The following ZBTB41 variants were observed in gnomAD, a reference collection of about 807,000 sequenced individuals.
The protein encoded by ZBTB41 is zinc finger and BTB domain containing 41, also known as zinc finger and BTB domain-containing protein 41.
In ZBTB41, 42 loss-of-function variants were observed where a neutral mutation model predicts 87.6. The observed-to-expected ratio is 0.48, with a 90% CI of 0.37 to 0.62. ZBTB41 has a LOEUF of 0.62. ZBTB41 is among the 20% of genes least tolerant of loss of function. The pLI is 0.00. For missense variants in ZBTB41, 799 were observed against 1,078.9 expected (o/e 0.74, Z 3.63); for synonymous variants, 364 against 364.0 (o/e 1.00, Z 0.00).
chr1:197,178,905 T>C (rs1659676640), intron 6 of ZBTB41, among the ~76,000 whole-genome samples: 1 of 152,158 alleles, frequency 6.6e-6, no homozygotes, highest in South Asian at 2.1e-4. Flanking sequence ...ATGTGCTTAG[T>C]ATTTATTGAA....
In ZBTB41 at chr1:197,200,133, T is replaced by C; in HGVS notation, c.341A>G (p.His114Arg). 1 of 1,613,962 alleles carries C rather than the reference T, an allele frequency of 6.2e-7. No individual in the cohort carries two copies. The highest frequency in any genetic ancestry group is 8.5e-7 in the Non-Finnish European group (1 of 1,180,026). ...VVVAVGSSYFHACLSKNPSTD... is the reference protein window; with the variant it reads ...VVVAVGSSYFRACLSKNPSTD... ...GCTTGGATTTTTGCTCAAACACGCA[T>C]GAAAATAACTACTGCCGACAGCAAC... Residue 114 changes from histidine (H) to arginine (R), a missense_variant, in exon 2 of 11, where the codon CAT (histidine) becomes CGT (arginine). Transcript: ENST00000367405.
At chr1:197,180,672 A>C (rs779220119) in intron 6 of ZBTB41, among the ~76,000 whole-genome samples, 8 of 152,086 alleles carry the variant, frequency 5.3e-5, no homozygotes, top group Non-Finnish European at 1.0e-4. Flanking sequence ...TGTGTCATTC[A>C]TGTTACATTT....
Position 197,159,121 on chromosome 1 carries a change from T to C in ZBTB41, c.*238A>G, listed in dbSNP as rs558812614. ...AAAAAATTTAAGAAACCATTAAAAG[T>C]TAGCACTAAATAATCTTTAAAAATC... On this transcript the variant is annotated 3_prime_UTR_variant, in exon 11 of 11. Transcript: ENST00000367405. 2.7e-4 allele frequency: 118 copies of C among 432,362 alleles called. No homozygotes were observed. The highest frequency in any genetic ancestry group is 1.9e-4 in the Non-Finnish European group (46 of 245,472). The allele number at this position is 432,362 out of a possible 1,614,324, so 26.8% of individuals were successfully genotyped here.
rs758770999 is a variant in ZBTB41 at position 197,178,412 on chromosome 1, C to T, written c.1772+5G>A. 2.3e-5 allele frequency: 37 copies of T among 1,592,878 alleles called. No individual in the cohort carries two copies. The East Asian group carries it at 7.7e-4, about 33-fold the overall frequency. ...TTAATAAAGGGAAAAAATGGTTTTA[C>T]TTACCTATACGAACTTCCATGACGA... On this transcript the variant is annotated splice_donor_5th_base_variant and intron_variant, in intron 7 of 10. Transcript: ENST00000367405.
chr1:197,199,934 G>T lies in ZBTB41; in HGVS notation c.540C>A (p.Ala180=), dbSNP rs748556532. 6.2e-7 allele frequency: 1 copy of T among 1,612,726 alleles called. No homozygotes were observed. The highest frequency in any genetic ancestry group is 1.1e-5 in the South Asian group (1 of 90,842). ...TTTCAGTTAGCTCTGAATGAAAAGGGGCAACATTTTCGTTATTTAACAACT... is the reference window on the plus strand; with the variant it reads ...TTTCAGTTAGCTCTGAATGAAAAGGTGCAACATTTTCGTTATTTAACAACT... ...AVKLLNNENV[A]PFHSELTEKS... is the part of the protein sequence containing the mutation. Residue 180 remains alanine (A), a synonymous_variant, in exon 2 of 11, where the codon GCC becomes GCA. Coordinates refer to ENST00000367405, the MANE Select transcript of ZBTB41 (RefSeq NM_194314.3).
At chr1:197,195,174 A>C (rs1467417081) in intron 2 of ZBTB41, among the ~76,000 whole-genome samples, 1 of 152,230 alleles carries the variant, frequency 6.6e-6, no homozygotes, top group Non-Finnish European at 1.5e-5. Flanking sequence ...ACAGAATATT[A>C]AACTACACCC....
intron 4 of ZBTB41, 94 bp from the exon 5 acceptor site, chr1:197,188,533 A>G: frequency 8.4e-7 from 1 of 1,196,766 alleles, no homozygotes; most frequent in Non-Finnish European, 1.1e-6. Flanking sequence ...AAATTCAATA[A>G]AGAGACTTTT....
At position 197,159,353 on chromosome 1, in the gene ZBTB41, A is replaced by G; in HGVS notation, c.*6T>C. ...ATCCAAAAATCTGTGGAATGTTTAG[A>G]TTTACTCATGAATGATGCTCATTCG... On this transcript the variant is annotated 3_prime_UTR_variant, in exon 11 of 11. Coordinates refer to ENST00000367405, the MANE Select transcript of ZBTB41 (RefSeq NM_194314.3). 6.2e-7 allele frequency: 1 copy of G among 1,612,656 alleles called. No homozygotes were observed.
At chr1:197,175,598 A>T (rs1659586614) in intron 8 of ZBTB41, among the ~76,000 whole-genome samples, 1 of 151,130 alleles carries the variant, frequency 6.6e-6, no homozygotes, top group East Asian at 1.9e-4. Flanking sequence ...GTTTGCAATG[A>T]GCCAAAATAC....
chr1:197,194,028 CT>C (rs917396613), intron 2 of ZBTB41, among the ~76,000 whole-genome samples: 9 of 148,666 alleles, frequency 6.1e-5, no homozygotes, highest in East Asian at 2.0e-4. Flanking sequence ...ATCTTTCTTT[CT>C]TTTTTTTTTG....
Position 197,155,858 on chromosome 1 carries a change from A to G in ZBTB41, c.*3501T>C, listed in dbSNP as rs1175822660. The G allele has an allele frequency of 6.6e-6, 1 of 152,320 alleles. No homozygotes were observed. Among genetic ancestry groups the G allele is most frequent in the Non-Finnish European group, 1.5e-5 (1 of 67,804 alleles). 9.4% of individuals were successfully genotyped at this position (152,320 alleles called of 1,614,324 possible). ...TACTTAAATGTATGCAAAGACTACT[A>G]TCTTTACAGTTGGTTAAATCTTGCT... is the stretch of plus-strand genomic sequence containing the variant. On this transcript the variant is annotated 3_prime_UTR_variant, in exon 11 of 11. Coordinates refer to ENST00000367405, the MANE Select transcript of ZBTB41 (RefSeq NM_194314.3).
In ZBTB41 at chr1:197,155,848, A is replaced by G. The variant is rs1481928854; in HGVS notation, c.*3511T>C. 6.6e-6 allele frequency: 1 copy of G among 152,340 alleles called. No homozygotes were observed. The highest frequency in any genetic ancestry group is 1.5e-5 in the Non-Finnish European group (1 of 67,818). 9.4% of individuals were successfully genotyped at this position (152,340 alleles called of 1,614,324 possible). On this transcript the variant is annotated 3_prime_UTR_variant, in exon 11 of 11. Transcript: ENST00000367405. ...ATGCCTTAATTACTTAAATGTATGC[A>G]AAGACTACTATCTTTACAGTTGGTT...
intron 6 of ZBTB41, 79 bp from the exon 7 acceptor site, chr1:197,178,591 G>A: frequency 1.0e-6 from 1 of 1,003,760 alleles, no homozygotes; most frequent in Non-Finnish European, 1.4e-6. Context: ...TTACTAGAAA[G>A]GTATTCAAGC....
At chr1:197,182,995 C>T (rs1001142555) in intron 5 of ZBTB41, among the ~76,000 whole-genome samples, 3 of 151,930 alleles carry the variant, frequency 2.0e-5, no homozygotes, top group Non-Finnish European at 2.9e-5. Context: ...AACATAGAGA[C>T]GGAATGCAAA....
intron 4 of ZBTB41, among the ~76,000 whole-genome samples, chr1:197,190,527 AT>A (rs1289852251): frequency 6.6e-6 from 1 of 152,254 alleles, no homozygotes; most frequent in Non-Finnish European, 1.5e-5. Flanking sequence ...AATACATGGT[AT>A]GGTGATTACA....
At chr1:197,176,311 T>C (rs1385927844) in intron 8 of ZBTB41, among the ~76,000 whole-genome samples, 1 of 152,096 alleles carries the variant, frequency 6.6e-6, no homozygotes, top group Admixed American at 6.6e-5. Flanking sequence ...TTTTGAGAAT[T>C]TATTTAAAAT....
chr1:197,178,416 C>T lies in ZBTB41; in HGVS notation c.1772+1G>A. The T allele has an allele frequency of 6.2e-7, 1 of 1,601,626 alleles. No individual in the cohort carries two copies. The highest frequency in any genetic ancestry group is 8.5e-7 in the Non-Finnish European group (1 of 1,173,198). On this transcript the variant is annotated splice_donor_variant, in intron 7 of 10. Coordinates refer to ENST00000367405, the MANE Select transcript of ZBTB41 (RefSeq NM_194314.3). LOFTEE classifies it high-confidence loss of function. The stretch of plus-strand genomic sequence containing the variant: ...TAAAGGGAAAAAATGGTTTTACTTA[C>T]CTATACGAACTTCCATGACGAAAAC...
In ZBTB41 at chr1:197,159,370, G is replaced by T; in HGVS notation, c.2719C>A (p.His907Asn). The T allele has an allele frequency of 2.5e-6, 4 of 1,612,998 alleles. No individual in the cohort carries two copies. In the East Asian group the frequency reaches 8.9e-5, roughly 36 times the overall value. ...TGVQNISTNEHHS is the reference protein window; with the variant it reads ...TGVQNISTNENHS ...ATGTTTAGATTTACTCATGAATGATGCTCATTCGTAGAAATATTTTGAACA... is the reference window on the plus strand; with the variant it reads ...ATGTTTAGATTTACTCATGAATGATTCTCATTCGTAGAAATATTTTGAACA... Residue 907 changes from histidine (H) to asparagine (N), a missense_variant, in exon 11 of 11, where the codon CAT becomes AAT. Transcript: ENST00000367405.
intron 5 of ZBTB41, among the ~76,000 whole-genome samples, chr1:197,187,874 G>C (rs547565196): frequency 2.0e-5 from 3 of 152,096 alleles, no homozygotes; most frequent in Non-Finnish European, 4.4e-5. Context: ...GGTTGGTGTG[G>C]GAGACAGATG....
Sources: gnomAD v4.1 joint callset for allele counts (sites outside exome capture counted in the v4.1 genomes callset) on GRCh38, gnomAD v4.1.1 for gene constraint, MANE v1.5 for transcripts, NCBI Gene and HGNC (gene_info 2026-07-23, HGNC 2026-07-21) for gene names.